Variants in UMAD1 observed in about 807,000 individuals in gnomAD.
UMAD1 encodes UBAP1-MVB12-associated (UMA)-domain containing protein 1.
UMAD1 carries 8 observed loss-of-function variants against 6.1 expected under a neutral mutation model. The observed-to-expected ratio is 1.30, with a 90% CI of 0.76 to 2.35. UMAD1 has a LOEUF of 2.35. Ranked by LOEUF, UMAD1 falls within the 30% of genes most tolerant of loss-of-function variation. UMAD1 has a pLI of 0.00. For missense variants in UMAD1, 130 were observed against 78.4 expected (o/e 1.66, Z -2.49); for synonymous variants, 56 against 31.4 (o/e 1.78, Z -2.61).
At chr7:7,780,053 T>C (rs1782312588) in intron 2 of UMAD1, among the ~76,000 whole-genome samples, 1 of 152,282 alleles carries the variant, frequency 6.6e-6, no homozygotes, top group African/African-American at 2.4e-5. Flanking sequence ...TATTTGTTTA[T>C]ACACTGACTG....
intron 2 of UMAD1, among the ~76,000 whole-genome samples, chr7:7,726,490 G>A (rs144453267): frequency 6.6e-6 from 1 of 152,310 alleles, no homozygotes; most frequent in East Asian, 1.9e-4. Context: ...CAGGGCTGAC[G>A]CAAAGTTCTC....
At chr7:7,710,946 C>A (rs529511482) in intron 2 of UMAD1, among the ~76,000 whole-genome samples, 2 of 152,154 alleles carry the variant, frequency 1.3e-5, no homozygotes, top group East Asian at 3.9e-4. Flanking sequence ...CTAAAGGTAA[C>A]GTACTGTATG....
Position 7,861,661 on chromosome 7 carries a change from G to A in UMAD1, c.157-15620G>A, listed in dbSNP as rs972221288. On this transcript the variant is annotated intron_variant, in intron 3 of 3. Transcript: ENST00000682710. ...TTTCATCTGTATATGAAAACACACA[G>A]TTGTGTATTCACCAACTATAGTGTT... Among the ~76,000 whole-genome samples, 3 of 152,230 alleles carry A rather than the reference G, an allele frequency of 2.0e-5. No individual in the cohort carries two copies. In the East Asian group the frequency reaches 5.8e-4, roughly 29 times the overall value.
intron 2 of UMAD1, among the ~76,000 whole-genome samples, chr7:7,703,030 C>G (rs1453820826): frequency 6.6e-6 from 1 of 152,196 alleles, no homozygotes; most frequent in Non-Finnish European, 1.5e-5. Context: ...AGGAGAATGC[C>G]TTCAGCTAGT....
intron 3 of UMAD1, among the ~76,000 whole-genome samples, chr7:7,875,690 A>C (rs2115345888): frequency 6.6e-6 from 1 of 152,356 alleles, no homozygotes; most frequent in South Asian, 2.1e-4. Flanking sequence ...AAATTGAGGC[A>C]GTAATTAATA....
rs149581295 is a variant in UMAD1 at position 7,752,737 on chromosome 7, G to A, written c.83-48933G>A. 1.4e-3 allele frequency among the ~76,000 whole-genome samples: 210 copies of A among 152,068 alleles called. 1 individual carries two copies. The highest frequency in any genetic ancestry group is 4.5e-3 in the African/African-American group (188 of 41,528). On this transcript the variant is annotated intron_variant, in intron 2 of 3. Transcript: ENST00000682710. ...GTATAATCAAAAATTTTAGAAAAAAGCATTATAGAGGTTTGTTGGATAAAT... is the reference window on the plus strand; with the variant it reads ...GTATAATCAAAAATTTTAGAAAAAAACATTATAGAGGTTTGTTGGATAAAT...
intron 2 of UMAD1, among the ~76,000 whole-genome samples, chr7:7,717,029 T>TC (rs1780927819): frequency 6.6e-6 from 1 of 151,892 alleles, no homozygotes; most frequent in Non-Finnish European, 1.5e-5. Flanking sequence ...GCTTTCCTCT[T>TC]TCTTTTTCCT....
intron 1 of UMAD1, among the ~76,000 whole-genome samples, chr7:7,670,725 C>T (rs1250064179): frequency 6.6e-6 from 1 of 152,192 alleles, no homozygotes. Context: ...GACAAGTAAT[C>T]TGCCCCTCCT....
At chr7:7,771,046 A>C (rs1782089839) in intron 2 of UMAD1, among the ~76,000 whole-genome samples, 1 of 152,112 alleles carries the variant, frequency 6.6e-6, no homozygotes, top group African/African-American at 2.4e-5. Flanking sequence ...AGGACCCTGT[A>C]AAGGAGCCTG....
intron 3 of UMAD1, among the ~76,000 whole-genome samples, chr7:7,811,870 G>A (rs1472517378): frequency 7.5e-6 from 1 of 133,148 alleles, no homozygotes; most frequent in Non-Finnish European, 1.6e-5. Context: ...GATAAATTTG[G>A]TCACTGGTAG....
At chr7:7,811,590 C>A (rs954517939) in intron 3 of UMAD1, among the ~76,000 whole-genome samples, 1 of 152,140 alleles carries the variant, frequency 6.6e-6, no homozygotes, top group Non-Finnish European at 1.5e-5. Context: ...TGTTTGAGCG[C>A]CCTCCCTGCC....
chr7:7,838,069 G>GA (rs1160268984), intron 3 of UMAD1, among the ~76,000 whole-genome samples: 10 of 152,140 alleles, frequency 6.6e-5, no homozygotes, highest in African/African-American at 2.4e-4. Context: ...AGGATAAAAA[G>GA]AAAAAATGTC....
intron 2 of UMAD1, among the ~76,000 whole-genome samples, chr7:7,674,221 A>G (rs1779683269): frequency 6.6e-6 from 1 of 152,052 alleles, no homozygotes. Flanking sequence ...ATTAACTCAT[A>G]TGGTCTTCAC....
intron 2 of UMAD1, among the ~76,000 whole-genome samples, chr7:7,691,952 A>G (rs1780182705): frequency 6.6e-6 from 1 of 152,234 alleles, no homozygotes; most frequent in Non-Finnish European, 1.5e-5. Flanking sequence ...GAAAAATTTT[A>G]TAACTGTTCC....
At chr7:7,827,773 T>C (rs1400927773) in intron 3 of UMAD1, among the ~76,000 whole-genome samples, 1 of 152,132 alleles carries the variant, frequency 6.6e-6, no homozygotes, top group East Asian at 1.9e-4. Context: ...TGGCATGTGG[T>C]TTAAGACAAA....
intron 2 of UMAD1, among the ~76,000 whole-genome samples, chr7:7,742,957 A>G (rs982554259): frequency 2.0e-5 from 3 of 152,204 alleles, no homozygotes; most frequent in African/African-American, 7.2e-5. Context: ...GTATAGAAAT[A>G]TTTATTGTAA....
chr7:7,692,810 T>C (rs1780205231), intron 2 of UMAD1, among the ~76,000 whole-genome samples: 1 of 152,146 alleles, frequency 6.6e-6, no homozygotes, highest in Admixed American at 6.5e-5. Flanking sequence ...GGGTTCACCA[T>C]GTTGGTCAGG....
At position 7,770,102 on chromosome 7, in the gene UMAD1, C is replaced by A. The variant is rs564622327; in HGVS notation, c.83-31568C>A. Among the ~76,000 whole-genome samples, 27 of 152,280 alleles carry A rather than the reference C, an allele frequency of 1.8e-4. No individual in the cohort carries two copies. In the Middle Eastern group the frequency reaches 0.031, roughly 173 times the overall value. On this transcript the variant is annotated intron_variant, in intron 2 of 3. Coordinates refer to ENST00000682710, the MANE Select transcript of UMAD1 (RefSeq NM_001302348.2). ...CCAAACTGGAACCGCTGTTCTCAGG[C>A]AGTCAGCCCTACTTATCCCCTCATT...
intron 2 of UMAD1, among the ~76,000 whole-genome samples, chr7:7,759,037 C>T (rs1307170312): frequency 2.0e-5 from 3 of 152,278 alleles, no homozygotes; most frequent in Non-Finnish European, 1.5e-5. Context: ...TTTTCTAGCT[C>T]AAAATTGCAC....
Sources: allele counts gnomAD v4.1 joint callset (sites outside exome capture counted in the v4.1 genomes callset), GRCh38; gene constraint gnomAD v4.1.1; transcripts MANE v1.5; gene names NCBI Gene and HGNC (gene_info 2026-07-23, HGNC 2026-07-21).